The following TRAPPC9 variants were observed in gnomAD, a reference collection of about 807,000 sequenced individuals.
TRAPPC9 encodes trafficking protein particle complex subunit 9.
In TRAPPC9, 83 loss-of-function variants were observed where a neutral mutation model predicts 124.0. That is an observed-to-expected ratio of 0.67 (90% CI 0.56 to 0.80). TRAPPC9 has a LOEUF of 0.80. TRAPPC9 is among the 30% of genes least tolerant of loss of function. The pLI is 0.00. For synonymous variants in TRAPPC9, 638 were observed against 617.5 expected (o/e 1.03, Z -0.49); for missense variants, 1,302 against 1,508.3 (o/e 0.86, Z 2.27).
chr8:139,774,852 C>T (rs969371758), intron 21 of TRAPPC9, among the ~76,000 whole-genome samples: 1 of 152,182 alleles, frequency 6.6e-6, no homozygotes. Flanking sequence ...AGCCCTAATC[C>T]CTGTCGATGT....
At position 140,287,627 on chromosome 8, in the gene TRAPPC9, A is replaced by G. The variant is rs777396897; in HGVS notation, c.1962T>C (p.Thr654=). ...PVTLVGVPQT[T]GTITVNGYHT... is the part of the protein sequence containing the mutation. ...CCTTACCGTTCACAGTAATCGTTCCAGTCGTCTGCGGGACCCCGACGAGCG... is the reference window on the plus strand; with the variant it reads ...CCTTACCGTTCACAGTAATCGTTCCGGTCGTCTGCGGGACCCCGACGAGCG... The change falls in exon 13 of 23, where the codon ACT becomes ACC. Residue 654 remains threonine (T), a synonymous_variant. Transcript: ENST00000438773. 1 of 1,614,180 alleles carries G rather than the reference A, an allele frequency of 6.2e-7. No homozygotes were observed. Among genetic ancestry groups the G allele is most frequent in the South Asian group, 1.1e-5 (1 of 91,082 alleles).
intron 21 of TRAPPC9, among the ~76,000 whole-genome samples, chr8:139,853,868 G>T (rs1040203599): frequency 6.6e-6 from 1 of 151,924 alleles, no homozygotes; most frequent in East Asian, 1.9e-4. Flanking sequence ...TTTAGTTTTG[G>T]GTTTTCTAAT....
intron 17 of TRAPPC9, among the ~76,000 whole-genome samples, chr8:140,147,420 C>T (rs2061479444): frequency 6.6e-6 from 1 of 152,220 alleles, no homozygotes; most frequent in Non-Finnish European, 1.5e-5. Flanking sequence ...CTCAATTCCG[C>T]AGGTGAGGCC....
intron 16 of TRAPPC9, among the ~76,000 whole-genome samples, chr8:140,244,853 C>A (rs1330761169): frequency 7.9e-6 from 1 of 126,238 alleles, no homozygotes; most frequent in Non-Finnish European, 1.5e-5. Flanking sequence ...TGACACCAGG[C>A]TGGAGTGCAG....
chr8:139,795,464 T>C (rs1158464734), intron 21 of TRAPPC9, among the ~76,000 whole-genome samples: 1 of 150,898 alleles, frequency 6.6e-6, no homozygotes, highest in Non-Finnish European at 1.5e-5. Context: ...AGCCTGTGTT[T>C]GTGTGATTCA....
intron 21 of TRAPPC9, among the ~76,000 whole-genome samples, chr8:139,777,316 G>A (rs1821459240): frequency 6.6e-6 from 1 of 152,204 alleles, no homozygotes; most frequent in African/African-American, 2.4e-5. Context: ...AGGATAGAGA[G>A]CTTCATTTTT....
intron 16 of TRAPPC9, among the ~76,000 whole-genome samples, chr8:140,230,655 T>C (rs1439437372): frequency 6.6e-6 from 1 of 151,654 alleles, no homozygotes; most frequent in African/African-American, 2.4e-5. Context: ...ACGCCTGTAA[T>C]CCCAGCTACT....
At chr8:139,950,578 A>T (rs910900864) in intron 19 of TRAPPC9, among the ~76,000 whole-genome samples, 1 of 152,252 alleles carries the variant, frequency 6.6e-6, no homozygotes, top group South Asian at 2.1e-4. Context: ...GCTGTGAGGC[A>T]TAACAGACAT....
chr8:139,804,542 AC>A (rs1823872110), intron 21 of TRAPPC9, among the ~76,000 whole-genome samples: 1 of 98,658 alleles, frequency 1.0e-5, no homozygotes, highest in Admixed American at 1.1e-4. Context: ...AACCACCACC[AC>A]CCACCACCGC....
Position 140,221,014 on chromosome 8 carries a change from C to T in TRAPPC9, c.2556+445G>A, listed in dbSNP as rs117359722. 4.3e-3 allele frequency among the ~76,000 whole-genome samples: 650 copies of T among 152,318 alleles called. 3 individuals are homozygous for T. Among genetic ancestry groups the T allele is most frequent in the South Asian group, 8.7e-3 (42 of 4,824 alleles). On this transcript the variant is annotated intron_variant, in intron 17 of 22. Coordinates refer to ENST00000438773, the MANE Select transcript of TRAPPC9 (RefSeq NM_001160372.4). ...ACTGCTGGCCTACAAGCCCGCGGCA[C>T]GTAGCTTTGCACTGACATTCACTTG...
At chr8:139,830,264 T>G (rs1563846289) in intron 21 of TRAPPC9, among the ~76,000 whole-genome samples, 2 of 147,148 alleles carry the variant, frequency 1.4e-5, no homozygotes, top group South Asian at 2.2e-4. Flanking sequence ...TGCACACACA[T>G]GCATACACAC....
intron 15 of TRAPPC9, among the ~76,000 whole-genome samples, chr8:140,258,230 G>A (rs1183605086): frequency 1.3e-5 from 2 of 152,222 alleles, no homozygotes; most frequent in Non-Finnish European, 2.9e-5. Flanking sequence ...GGAGCAGGAG[G>A]GCTTGGGCAG....
intron 19 of TRAPPC9, among the ~76,000 whole-genome samples, chr8:139,926,184 G>T (rs2131361560): frequency 6.6e-6 from 1 of 152,374 alleles, no homozygotes; most frequent in East Asian, 1.9e-4. Flanking sequence ...CAATGCAGCA[G>T]AGGCCTGGGG....
At chr8:139,965,974 G>A (rs1255330271) in intron 19 of TRAPPC9, among the ~76,000 whole-genome samples, 1 of 152,256 alleles carries the variant, frequency 6.6e-6, no homozygotes, top group Non-Finnish European at 1.5e-5. Context: ...AGGCCTGTCT[G>A]CGGGAGGCTT....
chr8:140,031,409 C>G (rs1472509510), intron 17 of TRAPPC9, among the ~76,000 whole-genome samples: 1 of 152,178 alleles, frequency 6.6e-6, no homozygotes, highest in South Asian at 2.1e-4. Flanking sequence ...ACACTATTGT[C>G]AGAGAAAAAC....
intron 16 of TRAPPC9, among the ~76,000 whole-genome samples, chr8:140,245,281 A>G (rs2063953802): frequency 1.3e-5 from 2 of 152,156 alleles, no homozygotes; most frequent in African/African-American, 4.8e-5. Context: ...CCCAATGCTG[A>G]CGTCCTCCCT....
chr8:140,132,665 G>T (rs540349578), intron 17 of TRAPPC9, among the ~76,000 whole-genome samples: 1 of 152,106 alleles, frequency 6.6e-6, no homozygotes, highest in African/African-American at 2.4e-5. Context: ...TGGAGACCTC[G>T]GTCTAGTGGG....
intron 11 of TRAPPC9, among the ~76,000 whole-genome samples, chr8:140,296,906 T>A (rs2065819570): frequency 6.6e-6 from 1 of 152,144 alleles, no homozygotes; most frequent in Non-Finnish European, 1.5e-5. Context: ...AGCCAGAGAC[T>A]CTAGAAGGTC....
chr8:140,353,054 G>C lies in TRAPPC9; in HGVS notation c.1495+6996C>G, dbSNP rs868322719. On this transcript the variant is annotated intron_variant, in intron 9 of 22. Transcript: ENST00000438773. This position sits in a 1 kb window ranked among gnomAD's most constrained non-coding sequence, Gnocchi z 4.2. ...GACGCAAAAACCAAGACACAGATAG[G>C]GTTTTCGAGAAAACACCATCTACCC... Among the ~76,000 whole-genome samples, 3 of 151,988 alleles carry C rather than the reference G, an allele frequency of 2.0e-5. No individual in the cohort carries two copies. The highest frequency in any genetic ancestry group is 2.0e-4 in the Admixed American group (3 of 15,264).
Sources: gnomAD v4.1 joint callset for allele counts (sites outside exome capture counted in the v4.1 genomes callset) on GRCh38, gnomAD v4.1.1 for gene constraint, Gnocchi (gnomAD v3.1) non-coding constraint, MANE v1.5 for transcripts, NCBI Gene and HGNC (gene_info 2026-07-23, HGNC 2026-07-21) for gene names.